Variants in RIT2 observed in about 807,000 individuals in gnomAD.
RIT2 encodes GTP-binding protein Rit2.
RIT2 carries 24 observed loss-of-function variants against 23.7 expected under a neutral mutation model. That is an observed-to-expected ratio of 1.01 (90% CI 0.73 to 1.43). The LOEUF (loss-of-function observed/expected upper bound fraction) is 1.43. RIT2 is among the 40% of genes most tolerant of loss of function. The pLI is 0.00. For missense variants in RIT2, 236 were observed against 266.9 expected (o/e 0.88, Z 0.81); for synonymous variants, 107 against 91.1 (o/e 1.17, Z -0.99).
chr18:42,989,856 T>A (rs1910798206), intron 2 of RIT2, among the ~76,000 whole-genome samples: 2 of 152,316 alleles, frequency 1.3e-5, no homozygotes, highest in Admixed American at 1.3e-4. Flanking sequence ...TGGTTTAAAC[T>A]CCTACTATGT....
At chr18:42,784,605 A>G (rs769764177) in intron 4 of RIT2, among the ~76,000 whole-genome samples, 1 of 152,126 alleles carries the variant, frequency 6.6e-6, no homozygotes, top group Non-Finnish European at 1.5e-5. Context: ...ACCAAATCAG[A>G]GAAATTTTTA....
intron 2 of RIT2, among the ~76,000 whole-genome samples, chr18:43,024,734 C>G (rs1012740185): frequency 1.3e-5 from 2 of 151,376 alleles, no homozygotes; most frequent in African/African-American, 4.9e-5. Flanking sequence ...ACAACAACAA[C>G]AACAACAACA....
intron 4 of RIT2, among the ~76,000 whole-genome samples, chr18:42,881,731 T>G (rs1907900069): frequency 6.6e-6 from 1 of 152,250 alleles, no homozygotes; most frequent in African/African-American, 2.4e-5. Flanking sequence ...TGTGCCCCTC[T>G]TCTGTGCTTC....
chr18:42,980,173 A>G (rs1421063575), intron 2 of RIT2, among the ~76,000 whole-genome samples: 10 of 152,160 alleles, frequency 6.6e-5, no homozygotes, highest in Non-Finnish European at 1.5e-4. Flanking sequence ...GGGACGACTC[A>G]GGGCAAAGAA....
At chr18:42,894,050 T>C (rs556478381) in intron 4 of RIT2, among the ~76,000 whole-genome samples, 116 of 152,344 alleles carry the variant, frequency 7.6e-4, no homozygotes, top group Non-Finnish European at 1.1e-3. Context: ...TAGAGCTCTT[T>C]GTCTATGTCA....
intron 4 of RIT2, among the ~76,000 whole-genome samples, chr18:42,890,503 G>A (rs1031316119): frequency 7.3e-5 from 11 of 151,408 alleles, no homozygotes; most frequent in African/African-American, 2.7e-4. Flanking sequence ...GAGGGAGGGA[G>A]GGAGGGAGGA....
chr18:42,969,611 G>A (rs1910315787), intron 3 of RIT2, among the ~76,000 whole-genome samples: 1 of 151,036 alleles, frequency 6.6e-6, no homozygotes, highest in Non-Finnish European at 1.5e-5. Flanking sequence ...CTTAATCCAG[G>A]CCAAAGCCAG....
At chr18:43,019,409 C>G (rs948888812) in intron 2 of RIT2, among the ~76,000 whole-genome samples, 1 of 151,796 alleles carries the variant, frequency 6.6e-6, no homozygotes, top group African/African-American at 2.4e-5. Flanking sequence ...CATGATACAT[C>G]ACATTGACAG....
At chr18:42,814,453 C>A (rs1387585656) in intron 4 of RIT2, among the ~76,000 whole-genome samples, 1 of 152,098 alleles carries the variant, frequency 6.6e-6, no homozygotes, top group Admixed American at 6.5e-5. Context: ...GGCTTTCCCC[C>A]ACTTCCCTGA....
intron 4 of RIT2, among the ~76,000 whole-genome samples, chr18:42,763,130 C>A (rs1381868643): frequency 6.6e-6 from 1 of 152,052 alleles, no homozygotes; most frequent in East Asian, 1.9e-4. Context: ...TCTATTTAAA[C>A]AAAAGAAGGT....
intron 2 of RIT2, among the ~76,000 whole-genome samples, chr18:43,023,176 G>A (rs1911636172): frequency 1.3e-5 from 2 of 151,938 alleles, no homozygotes; most frequent in African/African-American, 4.8e-5. Context: ...CTCATATCCA[G>A]TTTTTCAATA....
At chr18:43,087,577 G>A (rs1266402172) in intron 1 of RIT2, among the ~76,000 whole-genome samples, 2 of 152,238 alleles carry the variant, frequency 1.3e-5, no homozygotes, top group African/African-American at 2.4e-5. Context: ...TGGTCCTACA[G>A]TATCTGTATT....
chr18:42,886,064 A>AT (rs752622554), intron 4 of RIT2, among the ~76,000 whole-genome samples: 2 of 152,138 alleles, frequency 1.3e-5, no homozygotes, highest in Admixed American at 6.5e-5. Context: ...ATTCTTCTCA[A>AT]TTTTTTCCTT....
chr18:43,028,815 T>C (rs1177340206), intron 2 of RIT2, among the ~76,000 whole-genome samples: 3 of 152,068 alleles, frequency 2.0e-5, no homozygotes, highest in Admixed American at 2.0e-4. Context: ...CCCGAGCATT[T>C]ATATTTCAAC....
intron 1 of RIT2, among the ~76,000 whole-genome samples, chr18:43,074,204 T>G (rs2144339006): frequency 6.6e-6 from 1 of 152,348 alleles, no homozygotes; most frequent in South Asian, 2.1e-4. Context: ...TTAAACTCAC[T>G]TAATATTTAG....
chr18:42,968,431 T>C (rs1014570963), intron 3 of RIT2, among the ~76,000 whole-genome samples: 1 of 152,184 alleles, frequency 6.6e-6, no homozygotes, highest in African/African-American at 2.4e-5. Flanking sequence ...AATAAATTGT[T>C]TTCAAGCATC....
rs1598726785 is a variant in RIT2 at position 42,949,103 on chromosome 18, T to G, written c.234+24971A>C. On this transcript the variant is annotated intron_variant, in intron 3 of 4. Coordinates refer to ENST00000326695, the MANE Select transcript of RIT2 (RefSeq NM_002930.4). The stretch of plus-strand genomic sequence containing the variant: ...CAGCAATACTTAGAACTTGGAGCTC[T>G]AATTAGATGCCCTGCCACATAGACC... The G allele has an allele frequency of 2.0e-5, 8 of 397,296 alleles. No homozygotes were observed. In the East Asian group the frequency reaches 2.9e-4, roughly 14 times the overall value. The allele number at this position is 397,296 out of a possible 1,614,324, so 24.6% of individuals were successfully genotyped here. A position where few individuals can be genotyped will look rare whatever the true frequency, so the allele number is the denominator to read the frequency against.
intron 2 of RIT2, among the ~76,000 whole-genome samples, chr18:42,983,491 A>C (rs955248884): frequency 6.6e-6 from 1 of 152,104 alleles, no homozygotes; most frequent in East Asian, 1.9e-4. Context: ...ACTACAAAAA[A>C]ATGAACTTCA....
intron 4 of RIT2, among the ~76,000 whole-genome samples, chr18:42,869,835 A>G (rs1342391540): frequency 1.3e-5 from 2 of 152,186 alleles, no homozygotes; most frequent in Non-Finnish European, 2.9e-5. Context: ...TAGTGAATCC[A>G]CAAGTCATGA....
Sources: allele counts gnomAD v4.1 joint callset (sites outside exome capture counted in the v4.1 genomes callset), GRCh38; gene constraint gnomAD v4.1.1; transcripts MANE v1.5; gene names NCBI Gene and HGNC (gene_info 2026-07-23, HGNC 2026-07-21).